Variants in DPF3 observed in about 807,000 individuals in gnomAD.
The protein encoded by DPF3 is zinc finger protein DPF3.
In DPF3, 18 loss-of-function variants were observed where a neutral mutation model predicts 56.8. The observed-to-expected ratio is 0.32, with a 90% CI of 0.22 to 0.47. The LOEUF is 0.47. Among genes scored for constraint, DPF3 ranks in the 20% least tolerant of loss-of-function variants. The probability of loss-of-function intolerance (pLI) is 1.00; values close to 1 mark genes in which losing one functional copy is unlikely to be tolerated. For missense variants in DPF3, 403 were observed against 488.8 expected (o/e 0.82, Z 1.65); for synonymous variants, 188 against 180.2 (o/e 1.04, Z -0.35).
intron 1 of DPF3, among the ~76,000 whole-genome samples, chr14:72,821,048 C>T (rs1883510376): frequency 6.6e-6 from 1 of 151,448 alleles, no homozygotes; most frequent in Admixed American, 6.6e-5. Context: ...GCATGAAAAT[C>T]GCTTGAACCT....
At chr14:72,649,779 T>TTA (rs1885848661) in intron 8 of DPF3, among the ~76,000 whole-genome samples, 2 of 152,222 alleles carry the variant, frequency 1.3e-5, no homozygotes, top group Non-Finnish European at 2.9e-5. Flanking sequence ...GACTCAGGTA[T>TTA]TATTGTCTCC....
At chr14:72,741,486 C>T (rs1890120431) in intron 3 of DPF3, among the ~76,000 whole-genome samples, 1 of 152,226 alleles carries the variant, frequency 6.6e-6, no homozygotes, top group African/African-American at 2.4e-5. Flanking sequence ...AACCAAACAG[C>T]CAAGATGGCA....
At chr14:72,764,178 C>T (rs1891169301) in intron 2 of DPF3, among the ~76,000 whole-genome samples, 2 of 152,176 alleles carry the variant, frequency 1.3e-5, no homozygotes, top group Non-Finnish European at 2.9e-5. Context: ...ACTCTAACTT[C>T]CCACCTCTGA....
chr14:72,671,768 A>G (rs1886686361), intron 8 of DPF3, among the ~76,000 whole-genome samples: 1 of 152,222 alleles, frequency 6.6e-6, no homozygotes. Context: ...TTTGACAGTC[A>G]GCTGTACAAA....
At position 72,632,559 on chromosome 14, in the gene DPF3, G is replaced by A. The variant is rs537922025; in HGVS notation, c.872-2823C>T. Among the ~76,000 whole-genome samples the A allele has an allele frequency of 4.7e-5, 7 of 150,518 alleles. No homozygotes were observed. In the South Asian group the frequency reaches 1.5e-3, roughly 32 times the overall value. ...ATTAAATCATCAAAAAGAAAGGAAG[G>A]TGGAAGGCAGATAAGAAAAAGGAGA... On this transcript the variant is annotated intron_variant, in intron 8 of 10. Coordinates refer to ENST00000556509, the MANE Select transcript of DPF3 (RefSeq NM_001280542.3).
chr14:72,665,041 A>G (rs956232790), intron 8 of DPF3, among the ~76,000 whole-genome samples: 1 of 152,048 alleles, frequency 6.6e-6, no homozygotes, highest in Non-Finnish European at 1.5e-5. Flanking sequence ...TATTATCTCC[A>G]TTGTCTCTGA....
rs186828529 is a variant in DPF3, at chr14:72,617,070, T to C, written c.*2227A>G. On this transcript the variant is annotated 3_prime_UTR_variant, in exon 11 of 11. Transcript: ENST00000556509. Reference sequence around the variant, plus strand: ...TGCAGGCAAGTTCCAGTGCCCTGCCTTGGCCTGGGAGACCCAGCTGAGGCT... The same window carrying C: ...TGCAGGCAAGTTCCAGTGCCCTGCCCTGGCCTGGGAGACCCAGCTGAGGCT... 4.9e-4 allele frequency among the ~76,000 whole-genome samples: 74 copies of C among 152,304 alleles called. 1 individual carries two copies. In the East Asian group the frequency reaches 9.9e-3, roughly 20 times the overall value.
chr14:72,825,259 T>C (rs1883744871), intron 1 of DPF3, among the ~76,000 whole-genome samples: 1 of 152,228 alleles, frequency 6.6e-6, no homozygotes, highest in Non-Finnish European at 1.5e-5. Context: ...CTAGATCTTA[T>C]ACATCTTTCT....
intron 5 of DPF3, among the ~76,000 whole-genome samples, chr14:72,716,591 A>T (rs1888938425): frequency 6.6e-6 from 1 of 152,060 alleles, no homozygotes; most frequent in Non-Finnish European, 1.5e-5. Context: ...TTGGTTTACA[A>T]GTTGATTTTG....
chr14:72,728,889 C>T (rs770419492), intron 4 of DPF3, among the ~76,000 whole-genome samples: 19 of 152,058 alleles, frequency 1.2e-4, no homozygotes, highest in Non-Finnish European at 2.1e-4. Context: ...AGAGTGGAAT[C>T]GGGAGGCAGG....
intron 5 of DPF3, among the ~76,000 whole-genome samples, chr14:72,717,954 G>A (rs1219259852): frequency 6.6e-6 from 1 of 152,254 alleles, no homozygotes; most frequent in East Asian, 1.9e-4. Flanking sequence ...GGCCACAGTT[G>A]ATTGGCTGGC....
chr14:72,652,865 A>G (rs1391329984), intron 8 of DPF3, among the ~76,000 whole-genome samples: 1 of 152,312 alleles, frequency 6.6e-6, no homozygotes, highest in East Asian at 1.9e-4. Context: ...ACCACGCTGT[A>G]CAAGGCCCAG....
At chr14:72,841,613 CT>C (rs1171933558) in intron 1 of DPF3, among the ~76,000 whole-genome samples, 1 of 152,118 alleles carries the variant, frequency 6.6e-6, no homozygotes, top group Non-Finnish European at 1.5e-5. Flanking sequence ...GGAAAACAAT[CT>C]TAAAATTTCC....
At chr14:72,730,084 T>A (rs1889577997) in intron 4 of DPF3, among the ~76,000 whole-genome samples, 1 of 151,288 alleles carries the variant, frequency 6.6e-6, no homozygotes, top group Non-Finnish European at 1.5e-5. Context: ...TTAAAAAATA[T>A]TTTTTTTTAA....
chr14:72,648,016 C>T (rs1279041469), intron 8 of DPF3, among the ~76,000 whole-genome samples: 1 of 152,166 alleles, frequency 6.6e-6, no homozygotes, highest in Non-Finnish European at 1.5e-5. Context: ...CCCCTCTACC[C>T]CTTTTTCCTA....
intron 6 of DPF3, among the ~76,000 whole-genome samples, chr14:72,700,621 C>CCTGG (rs1888117147): frequency 1.3e-5 from 2 of 152,208 alleles, no homozygotes; most frequent in Non-Finnish European, 1.5e-5. Context: ...ACCACCCAGG[C>CCTGG]CTGGCTTCTA....
At chr14:72,832,160 T>C (rs1273615961) in intron 1 of DPF3, among the ~76,000 whole-genome samples, 1 of 152,124 alleles carries the variant, frequency 6.6e-6, no homozygotes, top group Non-Finnish European at 1.5e-5. Context: ...GAGGCTGCAA[T>C]GAGCTATGAT....
intron 1 of DPF3, among the ~76,000 whole-genome samples, chr14:72,830,615 C>T (rs1006665439): frequency 4.6e-5 from 7 of 152,140 alleles, no homozygotes; most frequent in African/African-American, 7.2e-5. Flanking sequence ...ATAGATGTGA[C>T]GCACTTAGCA....
At position 72,616,557 on chromosome 14, in the gene DPF3, C is replaced by T. The variant is rs1884104523; in HGVS notation, c.*2740G>A. On this transcript the variant is annotated 3_prime_UTR_variant, in exon 11 of 11. Transcript: ENST00000556509. ...CGGAGTTCTTCCCAGACAAGCATGGCTCTGCAGTGCTTGTTTATGTAACAT... is the reference window on the plus strand; with the variant it reads ...CGGAGTTCTTCCCAGACAAGCATGGTTCTGCAGTGCTTGTTTATGTAACAT... Among the ~76,000 whole-genome samples the T allele has an allele frequency of 6.6e-6, 1 of 152,160 alleles. No individual in the cohort carries two copies. The highest frequency in any genetic ancestry group is 2.4e-5 in the African/African-American group (1 of 41,414).
Sources: allele counts gnomAD v4.1 joint callset (sites outside exome capture counted in the v4.1 genomes callset), GRCh38; gene constraint gnomAD v4.1.1; transcripts MANE v1.5; gene names NCBI Gene and HGNC (gene_info 2026-07-23, HGNC 2026-07-21).